The following DCT variants were observed in gnomAD, a reference collection of about 807,000 sequenced individuals.
The protein encoded by DCT is dopachrome tautomerase.
DCT carries 47 observed loss-of-function variants against 53.0 expected under a neutral mutation model. That is an observed-to-expected ratio of 0.89 (90% CI 0.70 to 1.13). DCT has a LOEUF of 1.13. Ranked by LOEUF, DCT falls within the 50% of genes most tolerant of loss-of-function variation. DCT has a pLI of 0.00. For synonymous variants in DCT, 244 were observed against 237.0 expected, an observed-to-expected ratio of 1.03 and a Z score of -0.27; for missense variants, 669 against 637.4, an observed-to-expected ratio of 1.05 and a Z score of -0.53.
At chr13:94,536,297 C>T in the DCT span, among the ~76,000 whole-genome samples, 1 of 152,124 alleles carries the variant, frequency 6.6e-6, no homozygotes, top group Non-Finnish European at 1.5e-5. Context: ...CTGGGAGCAG[C>T]CAGGGCCTGT....
rs1249553126 is a variant in DCT at position 94,479,322 on chromosome 13, A to G, written c.-67T>C. On this transcript the variant is annotated 5_prime_UTR_variant, in exon 1 of 8. Transcript: ENST00000377028. Reference sequence around the variant, plus strand: ...TTGTCTCTGTCGTACTTTTCTCCTTATCTTCTACTCTTTCAGTCTTTTCTT... The same window carrying G: ...TTGTCTCTGTCGTACTTTTCTCCTTGTCTTCTACTCTTTCAGTCTTTTCTT... 6.1e-6 allele frequency: 8 copies of G among 1,306,996 alleles called. No individual in the cohort carries two copies. Among genetic ancestry groups the G allele is most frequent in the Admixed American group, 5.5e-5 (2 of 36,558 alleles). 81.0% of individuals were successfully genotyped at this position (1,306,996 alleles called of 1,614,324 possible). A position where few individuals can be genotyped will look rare whatever the true frequency, so the allele number is the denominator to read the frequency against.
chr13:94,455,986 G>T (rs1258011233), intron 6 of DCT, among the ~76,000 whole-genome samples: 1 of 152,202 alleles, frequency 6.6e-6, no homozygotes, highest in Non-Finnish European at 1.5e-5. Context: ...CAGATACATG[G>T]CTGAGAAAGC....
intron 6 of DCT, chr13:94,445,827 T>G (rs1882684173): frequency 1.7e-6 from 2 of 1,177,960 alleles, no homozygotes; most frequent in African/African-American, 3.0e-5. Flanking sequence ...GTGAGCTGAA[T>G]TGGGACCCGC....
At chr13:94,440,253 T>A (rs929290781) in intron 7 of DCT, among the ~76,000 whole-genome samples, 177 bp from the exon 8 acceptor site, 6 of 152,228 alleles carry the variant, frequency 3.9e-5, no homozygotes, top group African/African-American at 1.4e-4. Flanking sequence ...CACAATTGTT[T>A]TTCTTGGGGT....
chr13:94,450,147 G>C (rs1882982408), intron 6 of DCT, among the ~76,000 whole-genome samples: 1 of 152,092 alleles, frequency 6.6e-6, no homozygotes, highest in Non-Finnish European at 1.5e-5. Context: ...CAAGAAAATG[G>C]CCGTTATGAG....
the DCT span, among the ~76,000 whole-genome samples, chr13:94,498,473 G>C: frequency 6.6e-6 from 1 of 152,204 alleles, no homozygotes; most frequent in South Asian, 2.1e-4. Flanking sequence ...CCTCATGAAT[G>C]GGGTTAGTGC....
chr13:94,482,158 G>A (rs942947863), upstream of DCT, among the ~76,000 whole-genome samples: 4 of 152,198 alleles, frequency 2.6e-5, no homozygotes, highest in Non-Finnish European at 5.9e-5. Context: ...TGATGATCAC[G>A]GAGCACAGGC....
At chr13:94,505,139 T>A in the DCT span, among the ~76,000 whole-genome samples, 3 of 151,350 alleles carry the variant, frequency 2.0e-5, no homozygotes, top group Non-Finnish European at 4.4e-5. Flanking sequence ...ACAGAAATAC[T>A]CTTTGTTATC....
In DCT at chr13:94,479,145, G is replaced by A. The variant is rs1202817591; in HGVS notation, c.111C>T (p.Asn37=). 5 of 1,614,160 alleles carry A rather than the reference G, an allele frequency of 3.1e-6. No homozygotes were observed. The highest frequency in any genetic ancestry group is 4.2e-6 in the Non-Finnish European group (5 of 1,180,016). The change falls in exon 1 of 8, where the codon AAC becomes AAT. Residue 37 remains asparagine (N), a synonymous_variant. Transcript: ENST00000377028. ...CACCCAGGCGTGGGCAGCACTCCTT[G>A]TTCACTAGGCTGTCCACCGTCATGC... ...RVCMTVDSLV[N]KECCPRLGAE...
At chr13:94,516,697 A>G in the DCT span, among the ~76,000 whole-genome samples, 1 of 152,042 alleles carries the variant, frequency 6.6e-6, no homozygotes, top group African/African-American at 2.4e-5. Context: ...GCTTTATTAG[A>G]AGAGGAACAG....
At chr13:94,490,753 A>T in the DCT span, among the ~76,000 whole-genome samples, 5 of 139,828 alleles carry the variant, frequency 3.6e-5, no homozygotes, top group Non-Finnish European at 8.1e-5. Context: ...ATTTTGTTGT[A>T]ATGAATTTTT....
At chr13:94,482,018 G>A (rs917276884), upstream of DCT, among the ~76,000 whole-genome samples, 1 of 152,218 alleles carries the variant, frequency 6.6e-6, no homozygotes, top group African/African-American at 2.4e-5. Flanking sequence ...AGAACAATAA[G>A]AATAGAAATT....
chr13:94,538,312 C>G, the DCT span, among the ~76,000 whole-genome samples: 1 of 152,114 alleles, frequency 6.6e-6, no homozygotes, highest in African/African-American at 2.4e-5. Context: ...TTATTTTTCT[C>G]CATTTTACAG....
the DCT span, among the ~76,000 whole-genome samples, chr13:94,492,724 C>T: frequency 6.6e-6 from 1 of 152,068 alleles, no homozygotes; most frequent in Non-Finnish European, 1.5e-5. Flanking sequence ...AACTGAAGAA[C>T]ACAAAGATGT....
chr13:94,533,201 T>A, the DCT span, among the ~76,000 whole-genome samples: 5 of 144,500 alleles, frequency 3.5e-5, no homozygotes, highest in African/African-American at 1.3e-4. Context: ...ATGGGAGTAG[T>A]TATAACATGA....
chr13:94,448,643 C>T (rs1882881434), intron 6 of DCT, among the ~76,000 whole-genome samples: 2 of 152,174 alleles, frequency 1.3e-5, no homozygotes, highest in South Asian at 4.1e-4. Context: ...TGGCCCACAC[C>T]TGTAATCCCA....
chr13:94,457,347 G>A (rs188906798), intron 6 of DCT, among the ~76,000 whole-genome samples: 132 of 152,234 alleles, frequency 8.7e-4, no homozygotes, highest in Non-Finnish European at 1.6e-3. Flanking sequence ...ATCATAAAAG[G>A]AGGCATCAGA....
At position 94,437,928 on chromosome 13, in the gene DCT, T is replaced by C. The variant is rs1029714994; in HGVS notation, c.*1970A>G. 6.6e-6 allele frequency: 1 copy of C among 152,188 alleles called. No homozygotes were observed. The highest frequency in any genetic ancestry group is 1.5e-5 in the Non-Finnish European group (1 of 68,022). The allele number at this position is 152,188 out of a possible 1,614,324, so 9.4% of individuals were successfully genotyped here. ...GATTACTATTTTTTCCTACCTAAGATAGATCTGCTTTAACCAAGTCTTATG... is the reference window on the plus strand; with the variant it reads ...GATTACTATTTTTTCCTACCTAAGACAGATCTGCTTTAACCAAGTCTTATG... On this transcript the variant is annotated 3_prime_UTR_variant, in exon 8 of 8. Coordinates refer to ENST00000377028, the MANE Select transcript of DCT (RefSeq NM_001922.5).
the DCT span, among the ~76,000 whole-genome samples, chr13:94,532,250 T>C: frequency 6.6e-6 from 1 of 152,166 alleles, no homozygotes; most frequent in Non-Finnish European, 1.5e-5. Flanking sequence ...GATCTAGAAC[T>C]AGAAATACCA....
Sources: allele counts gnomAD v4.1 joint callset (sites outside exome capture counted in the v4.1 genomes callset), GRCh38; gene constraint gnomAD v4.1.1; transcripts MANE v1.5; gene names NCBI Gene and HGNC (gene_info 2026-07-23, HGNC 2026-07-21).